Variants in ZC3H7B observed in about 807,000 individuals in gnomAD.
ZC3H7B encodes zinc finger CCCH-type containing 7B, also known as zinc finger CCCH domain-containing protein 7B.
A neutral mutation model predicts 116.0 loss-of-function variants in ZC3H7B; 35 were observed. The ratio of observed to expected loss-of-function variants is 0.30; its 90% CI spans 0.23 to 0.40. ZC3H7B has a LOEUF of 0.40. Among genes scored for constraint, ZC3H7B ranks in the 10% least tolerant of loss-of-function variants. ZC3H7B has a pLI of 1.00. For missense variants in ZC3H7B, 1,011 were observed against 1,321.5 expected (o/e 0.77, Z 3.64); for synonymous variants, 502 against 545.6 (o/e 0.92, Z 1.11).
Position 41,355,522 on chromosome 22 carries a change from A to G in ZC3H7B, c.2088A>G (p.Val696=), listed in dbSNP as rs201222417. ...CCTTTGACCTGCAGATGAAGTTTGTATGTGGCCAGTGCTGGAGAAACGGGC... is the reference window on the plus strand; with the variant it reads ...CCTTTGACCTGCAGATGAAGTTTGTGTGTGGCCAGTGCTGGAGAAACGGGC... The part of the protein sequence containing the change: ...PSTFDLQMKF[V]CGQCWRNGQV... Residue 696 remains valine (V), a synonymous_variant, in exon 18 of 23, where the codon GTA becomes GTG. Transcript: ENST00000352645. 5.6e-5 allele frequency: 90 copies of G among 1,614,132 alleles called. No homozygotes were observed. In the East Asian group the frequency reaches 1.5e-3, roughly 28 times the overall value.
At chr22:41,322,704 T>C (rs2036272781) in intron 2 of ZC3H7B, among the ~76,000 whole-genome samples, 1 of 152,208 alleles carries the variant, frequency 6.6e-6, no homozygotes, top group African/African-American at 2.4e-5. Context: ...GTTCTTTTTC[T>C]TAAATAGGGC....
At chr22:41,308,027 T>A (rs113136859) in intron 1 of ZC3H7B, among the ~76,000 whole-genome samples, 11 of 152,132 alleles carry the variant, frequency 7.2e-5, no homozygotes, top group Non-Finnish European at 1.3e-4. Context: ...GTAAGAGGTG[T>A]CCCTGTTTTT....
chr22:41,309,115 C>T (rs2036085336), intron 1 of ZC3H7B, among the ~76,000 whole-genome samples: 2 of 148,602 alleles, frequency 1.3e-5, no homozygotes, highest in Admixed American at 1.4e-4. Context: ...GGGTTCATGC[C>T]ATTCTCCTGC....
chr22:41,346,129 T>G lies in ZC3H7B; in HGVS notation c.1586T>G (p.Leu529Arg). 6.2e-7 allele frequency: 1 copy of G among 1,613,418 alleles called. No individual in the cohort carries two copies. Among genetic ancestry groups the G allele is most frequent in the Non-Finnish European group, 8.5e-7 (1 of 1,179,982 alleles). The change falls in exon 14 of 23, where the codon CTG becomes CGG. Residue 529 changes from leucine to arginine, a missense_variant. By Grantham distance (102) the Leu-to-Arg change is moderately radical. This residue lies in a region of ZC3H7B where 179 missense variants were observed against 178.5 expected (regional missense o/e 1.00). Transcript: ENST00000352645. This position sits in a 1 kb window ranked among gnomAD's most constrained non-coding sequence, Gnocchi z 5.3. ...TLNRDLLFDP[L>R]GGVKRGSLTI... ...AACCGCGACCTGCTCTTCGACCCGC[T>G]GGGGGGTGTTAAGCGCGGCAGCCTC... is the stretch of plus-strand genomic sequence containing the variant.
intron 17 of ZC3H7B, among the ~76,000 whole-genome samples, chr22:41,354,932 G>A (rs1191399646): frequency 1.3e-5 from 2 of 152,162 alleles, no homozygotes; most frequent in African/African-American, 4.8e-5. Context: ...CTGCCGGGGT[G>A]GCTTCCCATC....
chr22:41,350,754 G>C (rs1227434412), intron 16 of ZC3H7B, among the ~76,000 whole-genome samples: 1 of 152,200 alleles, frequency 6.6e-6, no homozygotes, highest in Non-Finnish European at 1.5e-5. Context: ...AGCAGCAGAT[G>C]TGGGGATCTG....
intron 1 of ZC3H7B, among the ~76,000 whole-genome samples, chr22:41,308,146 A>G (rs1056192882): frequency 3.9e-5 from 6 of 152,040 alleles, no homozygotes; most frequent in African/African-American, 1.5e-4. Context: ...ACCGAGAACC[A>G]TGTCTTCTGA....
chr22:41,326,543 C>T (rs916442078), intron 4 of ZC3H7B, among the ~76,000 whole-genome samples: 1 of 152,082 alleles, frequency 6.6e-6, no homozygotes, highest in African/African-American at 2.4e-5. Context: ...CTGTTCCTCC[C>T]ATAGCCTCAG....
chr22:41,324,006 G>T (rs1324003405), intron 2 of ZC3H7B, among the ~76,000 whole-genome samples: 2 of 152,076 alleles, frequency 1.3e-5, no homozygotes, highest in Non-Finnish European at 2.9e-5. Context: ...GGAGGTGGAG[G>T]TTGCAGTGAG....
Position 41,357,880 on chromosome 22 carries a change from G to C in ZC3H7B, c.*451G>C, listed in dbSNP as rs2036743074. 5.1e-6 allele frequency: 1 copy of C among 196,874 alleles called. No individual in the cohort carries two copies. The highest frequency in any genetic ancestry group is 1.0e-4 in the South Asian group (1 of 9,528). The allele number at this position is 196,874 out of a possible 1,614,324, so 12.2% of individuals were successfully genotyped here. On this transcript the variant is annotated 3_prime_UTR_variant, in exon 23 of 23. Coordinates refer to ENST00000352645, the MANE Select transcript of ZC3H7B (RefSeq NM_017590.6). The surrounding 1 kb of genome is among the most constrained non-coding windows in gnomAD (Gnocchi z 5.4). ...GGGGCAAATCAGGACACAACAGAGG[G>C]CAGAGGCCCCATTAGCTTTAAAATG...
intron 1 of ZC3H7B, among the ~76,000 whole-genome samples, chr22:41,306,950 C>T (rs1022536187): frequency 1.3e-5 from 2 of 151,300 alleles, no homozygotes; most frequent in Non-Finnish European, 2.9e-5. Context: ...CCCCCAGGAG[C>T]CTCCACAGAG....
chr22:41,318,591 T>A (rs927546389), intron 1 of ZC3H7B, among the ~76,000 whole-genome samples: 2 of 147,044 alleles, frequency 1.4e-5, no homozygotes, highest in African/African-American at 5.0e-5. Context: ...CTACAAAAAA[T>A]TTTAAAGGTT....
In ZC3H7B at chr22:41,357,557, T is replaced by A; in HGVS notation, c.*128T>A. On this transcript the variant is annotated 3_prime_UTR_variant, in exon 23 of 23. Transcript: ENST00000352645. This position sits in a 1 kb window ranked among gnomAD's most constrained non-coding sequence, Gnocchi z 5.4. ...CCTCATCAGGCAGCCCCCAGCCCCC[T>A]GAGGCCCTGTCCATCTTCTCCCCAC... 3.8e-6 allele frequency: 4 copies of A among 1,047,154 alleles called. No individual in the cohort carries two copies. The highest frequency in any genetic ancestry group is 4.0e-6 in the Non-Finnish European group (3 of 756,146). 64.9% of individuals were successfully genotyped at this position (1,047,154 alleles called of 1,614,324 possible). A position where few individuals can be genotyped will look rare whatever the true frequency, so the allele number is the denominator to read the frequency against.
At position 41,302,252 on chromosome 22, in the gene ZC3H7B, G is replaced by C. The variant is rs1389426395; in HGVS notation, c.-7+480G>C. On this transcript the variant is annotated intron_variant, in intron 1 of 22. Transcript: ENST00000352645. The surrounding 1 kb of genome is among the most constrained non-coding windows in gnomAD (Gnocchi z 5.7). Reference sequence around the variant, plus strand: ...GTTGTCCTTGGCCCCGCAGCACCCGGAGTTGGAGGGGCCGCGGCGAGGGCC... The same window carrying C: ...GTTGTCCTTGGCCCCGCAGCACCCGCAGTTGGAGGGGCCGCGGCGAGGGCC... Among the ~76,000 whole-genome samples the C allele has an allele frequency of 6.6e-6, 1 of 151,614 alleles. No homozygotes were observed. Among genetic ancestry groups the C allele is most frequent in the African/African-American group, 2.4e-5 (1 of 41,324 alleles).
At chr22:41,329,887 C>T (rs2036360555) in intron 5 of ZC3H7B, 136 bp from the exon 6 acceptor site, 1 of 747,892 alleles carries the variant, frequency 1.3e-6, no homozygotes. Context: ...CCAGGGACAC[C>T]TCCTGGGGCC....
rs569893408 is a variant in ZC3H7B, at chr22:41,350,545, G to A, written c.1949-1016G>A. ...ATTCTAGGTGTATTTTGAGGGTGGA[G>A]CCAACAAGATGTGTTGATGGATCAG... On this transcript the variant is annotated intron_variant, in intron 16 of 22. Transcript: ENST00000352645. 3.3e-5 allele frequency among the ~76,000 whole-genome samples: 5 copies of A among 152,246 alleles called. No homozygotes were observed. In the South Asian group the frequency reaches 1.0e-3, roughly 32 times the overall value.
rs989105273 is a variant in ZC3H7B, at chr22:41,357,210, C to A, written c.2715C>A (p.Asp905Glu). The A allele has an allele frequency of 6.2e-7, 1 of 1,613,518 alleles. No individual in the cohort carries two copies. The highest frequency in any genetic ancestry group is 8.5e-7 in the Non-Finnish European group (1 of 1,179,974). The change falls in exon 23 of 23, where the codon GAC becomes GAA. Residue 905 changes from aspartate to glutamate, a missense_variant. Transcript: ENST00000352645. The surrounding 1 kb of genome is among the most constrained non-coding windows in gnomAD (Gnocchi z 5.4). ...LQKGKACPDG[D>E]KCRCAHGQEE... ...AGGGCAAAGCCTGCCCAGATGGGGA[C>A]AAGTGCCGCTGCGCCCATGGACAGG... is the stretch of plus-strand genomic sequence containing the variant.
intron 1 of ZC3H7B, among the ~76,000 whole-genome samples, chr22:41,319,568 TAAAAAAA>T (rs71202700): frequency 1.5e-5 from 1 of 65,666 alleles, no homozygotes; most frequent in Admixed American, 1.8e-4. Flanking sequence ...AGTCTCCGGC[TAAAAAAA>T]AAAAAAAAAA....
In ZC3H7B at chr22:41,356,594, G is replaced by A. The variant is rs751715435; in HGVS notation, c.2518-51G>A. The A allele has an allele frequency of 3.1e-6, 5 of 1,611,080 alleles. No individual in the cohort carries two copies. The Admixed American group carries it at 8.3e-5, about 27-fold the overall frequency. On this transcript the variant is annotated intron_variant, in intron 21 of 22. Transcript: ENST00000352645. ...GCGCTCAGCCTCTCCGAGGTGGGTG[G>A]TCCGGGCAGAGGTGTGGGGGAGCAG...
Sources: gnomAD v4.1 joint callset for allele counts (sites outside exome capture counted in the v4.1 genomes callset) on GRCh38, gnomAD v4.1.1 for gene constraint, gnomAD v4.1.1 regional missense constraint, Gnocchi (gnomAD v3.1) non-coding constraint, MANE v1.5 for transcripts, NCBI Gene and HGNC (gene_info 2026-07-23, HGNC 2026-07-21) for gene names.